UBE2E1: variants seen among roughly 807,000 people sequenced by gnomAD.
The protein encoded by UBE2E1 is ubiquitin conjugating enzyme E2 E1.
A neutral mutation model predicts 21.4 loss-of-function variants in UBE2E1; 6 were observed. The ratio of observed to expected loss-of-function variants is 0.28; its 90% CI spans 0.15 to 0.55. The LOEUF is 0.55. Among genes scored for constraint, UBE2E1 ranks in the 20% least tolerant of loss-of-function variants. UBE2E1 has a pLI of 0.93. For missense variants in UBE2E1, 142 were observed against 236.5 expected, an observed-to-expected ratio of 0.60 and a Z score of 2.62; for synonymous variants, 87 against 82.7, an observed-to-expected ratio of 1.05 and a Z score of -0.28.
At chr3:23,838,936 C>T (rs1700027036) in intron 3 of UBE2E1, among the ~76,000 whole-genome samples, 1 of 147,776 alleles carries the variant, frequency 6.8e-6, no homozygotes, top group Admixed American at 6.7e-5. Context: ...CCAGCTATAA[C>T]TTTTTTTGTT....
At chr3:23,812,363 A>G (rs547461810) in intron 3 of UBE2E1, among the ~76,000 whole-genome samples, 1 of 152,366 alleles carries the variant, frequency 6.6e-6, no homozygotes, top group Non-Finnish European at 1.5e-5. Flanking sequence ...GAGATTTCAG[A>G]AATACTCTAA....
At chr3:23,830,435 G>GTTTGTT (rs1328637462) in intron 3 of UBE2E1, among the ~76,000 whole-genome samples, 2 of 152,002 alleles carry the variant, frequency 1.3e-5, no homozygotes, top group Non-Finnish European at 2.9e-5. Context: ...TTTTGTTTTT[G>GTTTGTT]TTTGTTTTTG....
At position 23,882,322 on chromosome 3, in the gene UBE2E1, A is replaced by T. The variant is rs143481306; in HGVS notation, c.204-5245A>T. Among the ~76,000 whole-genome samples, 524 of 152,324 alleles carry T rather than the reference A, an allele frequency of 3.4e-3. 15 individuals carry two copies. In the South Asian group the frequency reaches 0.045, roughly 13 times the overall value. ...AGACACAAAAGTTCTCCAAGTCCCC[A>T]CTAGATTAGCTCCACACAGAGCACT... On this transcript the variant is annotated intron_variant, in intron 3 of 5. Coordinates refer to ENST00000306627, the MANE Select transcript of UBE2E1 (RefSeq NM_003341.5).
In UBE2E1 at chr3:23,870,354, T is replaced by G. The variant is rs1009103446; in HGVS notation, c.204-17213T>G. The stretch of plus-strand genomic sequence containing the variant: ...TAGACTTAAATATCACCAGCCCATA[T>G]TCAGAGGGAGGGGAATTAGACTCTG... On this transcript the variant is annotated intron_variant, in intron 3 of 5. Coordinates refer to ENST00000306627, the MANE Select transcript of UBE2E1 (RefSeq NM_003341.5). The surrounding 1 kb of genome is among the most constrained non-coding windows in gnomAD (Gnocchi z 4.2). Among the ~76,000 whole-genome samples the G allele has an allele frequency of 6.6e-6, 1 of 152,226 alleles. No homozygotes were observed. Among genetic ancestry groups the G allele is most frequent in the African/African-American group, 2.4e-5 (1 of 41,462 alleles).
In UBE2E1 at chr3:23,872,310, C is replaced by T. The variant is rs576773194; in HGVS notation, c.204-15257C>T. On this transcript the variant is annotated intron_variant, in intron 3 of 5. Coordinates refer to ENST00000306627, the MANE Select transcript of UBE2E1 (RefSeq NM_003341.5). ...ATCAGGCAGGGAGGTTGCAGTGAGC[C>T]GAGATGGCAGCAGTACAGTCCAGCT... Among the ~76,000 whole-genome samples the T allele has an allele frequency of 8.3e-4, 124 of 150,044 alleles. 4 individuals carry two copies. In the East Asian group the frequency reaches 0.021, roughly 26 times the overall value.
Position 23,871,705 on chromosome 3 carries a change from C to T in UBE2E1, c.204-15862C>T, listed in dbSNP as rs572697138. The stretch of plus-strand genomic sequence containing the variant: ...CTCACCTCCCAGACGGGGTCGCGGC[C>T]GGGTAGAGGTGCTCCTCACATCCCA... On this transcript the variant is annotated intron_variant, in intron 3 of 5. Coordinates refer to ENST00000306627, the MANE Select transcript of UBE2E1 (RefSeq NM_003341.5). Among the ~76,000 whole-genome samples the T allele has an allele frequency of 5.4e-3, 821 of 150,974 alleles. 3 individuals are homozygous for T. Among genetic ancestry groups the T allele is most frequent in the South Asian group, 0.014 (67 of 4,774 alleles).
chr3:23,859,210 G>A (rs1009319412), intron 3 of UBE2E1, among the ~76,000 whole-genome samples: 2 of 152,116 alleles, frequency 1.3e-5, no homozygotes, highest in Admixed American at 1.3e-4. Flanking sequence ...CTCTGCCCGT[G>A]GAAGCTGGTT....
chr3:23,830,709 TTGTCAATGCTCTC>T (rs2125293464), intron 3 of UBE2E1, among the ~76,000 whole-genome samples: 1 of 152,344 alleles, frequency 6.6e-6, no homozygotes, highest in East Asian at 1.9e-4. Flanking sequence ...AAGAGTGGCC[TTGTCAATGCTCTC>T]TGTGTATCAT....
intron 3 of UBE2E1, among the ~76,000 whole-genome samples, chr3:23,812,753 A>T (rs142939976): frequency 3.4e-4 from 51 of 152,200 alleles, no homozygotes; most frequent in African/African-American, 1.2e-3. Flanking sequence ...CTAACTCATT[A>T]TTTTGATGGT....
intron 3 of UBE2E1, among the ~76,000 whole-genome samples, chr3:23,845,575 CTCTCTCTCTCTCTCTG>C (rs974685355): frequency 3.9e-4 from 26 of 67,050 alleles, no homozygotes; most frequent in African/African-American, 1.5e-3. Context: ...CTCTCTCTCT[CTCTCTCTCTCTCTCTG>C]TGTGTGTGTG....
At position 23,810,432 on chromosome 3, in the gene UBE2E1, T is replaced by C; in HGVS notation, c.153-1028T>C. 1.3e-6 allele frequency: 2 copies of C among 1,535,222 alleles called. No homozygotes were observed. The highest frequency in any genetic ancestry group is 1.7e-6 in the Non-Finnish European group (2 of 1,146,338). ...GAGGGTTGGTGCGGAGGGAGAAAACTGCAGGTCTCCAGTCTATCCCCAGTG... is the reference window on the plus strand; with the variant it reads ...GAGGGTTGGTGCGGAGGGAGAAAACCGCAGGTCTCCAGTCTATCCCCAGTG... On this transcript the variant is annotated intron_variant, in intron 2 of 5. Coordinates refer to ENST00000306627, the MANE Select transcript of UBE2E1 (RefSeq NM_003341.5). This position sits in a 1 kb window ranked among gnomAD's most constrained non-coding sequence, Gnocchi z 5.8.
rs1381157836 is a variant in UBE2E1 at position 23,876,721 on chromosome 3, G to A, written c.204-10846G>A. On this transcript the variant is annotated intron_variant, in intron 3 of 5. Coordinates refer to ENST00000306627, the MANE Select transcript of UBE2E1 (RefSeq NM_003341.5). The surrounding 1 kb of genome is among the most constrained non-coding windows in gnomAD (Gnocchi z 4.3). Reference sequence around the variant, plus strand: ...TTACTGCAAAGAGTTGTAGACAAGGGAGGAGGGAGCTAAATAATATTAATG... The same window carrying A: ...TTACTGCAAAGAGTTGTAGACAAGGAAGGAGGGAGCTAAATAATATTAATG... Among the ~76,000 whole-genome samples the A allele has an allele frequency of 6.6e-6, 1 of 152,120 alleles. No homozygotes were observed. The highest frequency in any genetic ancestry group is 1.5e-5 in the Non-Finnish European group (1 of 68,032).
At position 23,857,742 on chromosome 3, in the gene UBE2E1, C is replaced by T. The variant is rs533158968; in HGVS notation, c.204-29825C>T. Among the ~76,000 whole-genome samples, 11 of 152,322 alleles carry T rather than the reference C, an allele frequency of 7.2e-5. 1 individual carries two copies. The highest frequency in any genetic ancestry group is 4.6e-4 in the Admixed American group (7 of 15,302). On this transcript the variant is annotated intron_variant, in intron 3 of 5. Transcript: ENST00000306627. The stretch of plus-strand genomic sequence containing the variant: ...TGTTGTGCTCTGCCTCTTTATGAAC[C>T]TTCTGTGCTTATGGAAATGGTTCCC...
At position 23,889,090 on chromosome 3, in the gene UBE2E1, GTC is replaced by G; in HGVS notation, c.337-20_337-19del. ...CAAGTTTGTTTGCTGTTTAAATATT[GTC>G]TGTCACTTGTTTTTTTTAGGTTACA... On this transcript the variant is annotated intron_variant, in intron 4 of 5. Coordinates refer to ENST00000306627, the MANE Select transcript of UBE2E1 (RefSeq NM_003341.5). The G allele has an allele frequency of 6.3e-7, 1 of 1,582,222 alleles. No individual in the cohort carries two copies. Among genetic ancestry groups the G allele is most frequent in the Non-Finnish European group, 8.6e-7 (1 of 1,166,158 alleles).
chr3:23,850,612 G>A (rs2125306883), intron 3 of UBE2E1, among the ~76,000 whole-genome samples: 1 of 151,184 alleles, frequency 6.6e-6, no homozygotes, highest in East Asian at 1.9e-4. Context: ...CTGAGCTCAG[G>A]TGATGGTCCT....
chr3:23,871,640 C>A (rs1319690694), intron 3 of UBE2E1, among the ~76,000 whole-genome samples: 1 of 151,598 alleles, frequency 6.6e-6, no homozygotes, highest in Non-Finnish European at 1.5e-5. Flanking sequence ...GGCGGAGGGT[C>A]TCCTCGCTTC....
Position 23,810,451 on chromosome 3 carries a change from C to T in UBE2E1, c.153-1009C>T, listed in dbSNP as rs1357629024. 1.3e-6 allele frequency: 2 copies of T among 1,535,642 alleles called. No individual in the cohort carries two copies. The highest frequency in any genetic ancestry group is 2.0e-5 in the Admixed American group (1 of 50,996). On this transcript the variant is annotated intron_variant, in intron 2 of 5. Coordinates refer to ENST00000306627, the MANE Select transcript of UBE2E1 (RefSeq NM_003341.5). This position sits in a 1 kb window ranked among gnomAD's most constrained non-coding sequence, Gnocchi z 5.8. ...GAAAACTGCAGGTCTCCAGTCTATC[C>T]CCAGTGTGAGCTAGAGAGCGGACCA...
intron 3 of UBE2E1, among the ~76,000 whole-genome samples, chr3:23,871,791 C>A (rs1213337443): frequency 6.6e-6 from 1 of 151,738 alleles, no homozygotes; most frequent in Non-Finnish European, 1.5e-5. Flanking sequence ...CGGGCAGAGA[C>A]ACTCCTCACT....
chr3:23,829,004 C>G (rs1011026229), intron 3 of UBE2E1, among the ~76,000 whole-genome samples: 2 of 152,148 alleles, frequency 1.3e-5, no homozygotes, highest in South Asian at 4.2e-4. Context: ...TAAAAGCCCT[C>G]CAGTGGTTCT....
Sources: gnomAD v4.1 joint callset for allele counts (sites outside exome capture counted in the v4.1 genomes callset) on GRCh38, gnomAD v4.1.1 for gene constraint, Gnocchi (gnomAD v3.1) non-coding constraint, MANE v1.5 for transcripts, NCBI Gene and HGNC (gene_info 2026-07-23, HGNC 2026-07-21) for gene names.